Variants in SPTBN1 observed in about 807,000 individuals in gnomAD.
SPTBN1 encodes spectrin beta chain, non-erythrocytic 1.
A neutral mutation model predicts 266.4 loss-of-function variants in SPTBN1; 32 were observed. That is an observed-to-expected ratio of 0.12 (90% CI 0.09 to 0.16). SPTBN1 has a LOEUF of 0.16. Ranked by LOEUF, SPTBN1 falls within the 10% of genes least tolerant of loss-of-function variation. The pLI is 1.00. For synonymous variants in SPTBN1, 1,336 were observed against 1,162.2 expected (o/e 1.15, Z -3.04); for missense variants, 2,296 against 3,067.1 (o/e 0.75, Z 5.94).
At chr2:54,611,080 T>G (rs557173462) in intron 3 of SPTBN1, among the ~76,000 whole-genome samples, 2 of 151,636 alleles carry the variant, frequency 1.3e-5, no homozygotes, top group South Asian at 4.2e-4. Context: ...CAATCTGTGT[T>G]TGTGTGTATG....
chr2:54,552,093 C>A (rs1672603451), intron 2 of SPTBN1, among the ~76,000 whole-genome samples: 1 of 152,104 alleles, frequency 6.6e-6, no homozygotes, highest in Non-Finnish European at 1.5e-5. Context: ...TGAGAAATGC[C>A]CTTTGCCAAA....
At chr2:54,640,403 AC>A (rs201474969) in intron 18 of SPTBN1, among the ~76,000 whole-genome samples, 2,728 of 152,118 alleles carry the variant, frequency 0.018, 46 homozygotes, top group South Asian at 0.062. Flanking sequence ...CCCTGTTACC[AC>A]CCCCATAAAC....
chr2:54,668,773 C>A lies in SPTBN1; in HGVS notation c.*204C>A. ...CTCCAAGTTACAAAAGTTTGAGGTG[C>A]AGAGGGAAGGCCAGATTTTTTTTTT... On this transcript the variant is annotated 3_prime_UTR_variant, in exon 36 of 36. Coordinates refer to ENST00000356805, the MANE Select transcript of SPTBN1 (RefSeq NM_003128.3). 1 of 528,672 alleles carries A rather than the reference C, an allele frequency of 1.9e-6. No homozygotes were observed. The highest frequency in any genetic ancestry group is 3.4e-5 in the East Asian group (1 of 29,378). The allele number at this position is 528,672 out of a possible 1,614,324, so 32.7% of individuals were successfully genotyped here.
chr2:54,497,116 C>A (rs532224938), intron 1 of SPTBN1, among the ~76,000 whole-genome samples: 1 of 152,232 alleles, frequency 6.6e-6, no homozygotes, highest in East Asian at 1.9e-4. Flanking sequence ...TGGTCTGGGG[C>A]CCCCACCAGG....
chr2:54,566,749 T>C (rs1486228568), intron 2 of SPTBN1, among the ~76,000 whole-genome samples: 2 of 151,984 alleles, frequency 1.3e-5, no homozygotes, highest in Admixed American at 6.6e-5. Context: ...GAGAATTGCT[T>C]GAACCTGGGA....
intron 1 of SPTBN1, among the ~76,000 whole-genome samples, chr2:54,479,907 C>G (rs930300916): frequency 6.6e-6 from 1 of 151,642 alleles, no homozygotes; most frequent in Admixed American, 6.6e-5. Context: ...GTTGCCCAGG[C>G]TGGCCTCTAA....
At chr2:54,492,341 G>GTTTTTTTTTT (rs780631106) in intron 1 of SPTBN1, among the ~76,000 whole-genome samples, 10 of 88,372 alleles carry the variant, frequency 1.1e-4, no homozygotes, top group Admixed American at 1.2e-4. Context: ...GTCTGCAGTT[G>GTTTTTTTTTT]TTTTTTTGTT....
intron 1 of SPTBN1, among the ~76,000 whole-genome samples, chr2:54,522,697 G>GAGAGAGAGAGAAAGAAAGAAAGAA (rs1553439438): frequency 2.1e-5 from 2 of 97,270 alleles, no homozygotes; most frequent in African/African-American, 8.3e-5. Flanking sequence ...GAGAGAGAGA[G>GAGAGAGAGAGAAAGAAAGAAAGAA]AGAAAGAAAG....
At chr2:54,513,697 T>A (rs1005569087) in intron 1 of SPTBN1, among the ~76,000 whole-genome samples, 3 of 152,224 alleles carry the variant, frequency 2.0e-5, no homozygotes, top group African/African-American at 4.8e-5. Context: ...TTTCTATTTT[T>A]AAAAATAATT....
chr2:54,520,827 C>A (rs1006232311), intron 1 of SPTBN1, among the ~76,000 whole-genome samples: 5 of 152,132 alleles, frequency 3.3e-5, no homozygotes, highest in African/African-American at 1.2e-4. Context: ...CTGTGGTGAG[C>A]AAGTCCAGTG....
intron 1 of SPTBN1, among the ~76,000 whole-genome samples, chr2:54,492,267 G>A (rs912679112): frequency 6.6e-6 from 1 of 150,536 alleles, no homozygotes; most frequent in Admixed American, 6.6e-5. Context: ...ACTTTTTATG[G>A]CTGTATAAAG....
In SPTBN1 at chr2:54,582,406, TA is replaced by T. The variant is rs141991577; in HGVS notation, c.149-16685del. Among the ~76,000 whole-genome samples, 849 of 151,600 alleles carry T rather than the reference TA, an allele frequency of 5.6e-3. 11 individuals carry two copies. Among genetic ancestry groups the T allele is most frequent in the African/African-American group, 0.02 (816 of 41,258 alleles). On this transcript the variant is annotated intron_variant, in intron 2 of 35. Transcript: ENST00000356805. ...GAGAGAAGCACCCTCCATTTAGAAA[TA>T]TGGAGGATTAGCCAGGCATAGTGGC...
chr2:54,608,486 A>G (rs1676999692), intron 3 of SPTBN1, among the ~76,000 whole-genome samples: 1 of 152,158 alleles, frequency 6.6e-6, no homozygotes, highest in Non-Finnish European at 1.5e-5. Flanking sequence ...GATGGGTCAC[A>G]GGCTGAGTGC....
chr2:54,641,534 G>C (rs751259502), intron 18 of SPTBN1, among the ~76,000 whole-genome samples: 3 of 152,192 alleles, frequency 2.0e-5, no homozygotes, highest in Non-Finnish European at 4.4e-5. Context: ...TTTTTTCCAA[G>C]TAGGAAGTGC....
intron 33 of SPTBN1, among the ~76,000 whole-genome samples, chr2:54,665,339 A>G (rs1274763976): frequency 4.6e-5 from 7 of 152,212 alleles, no homozygotes; most frequent in African/African-American, 1.7e-4. Context: ...TTATATATTA[A>G]TACATGCTGG....
chr2:54,641,294 C>T (rs61332964), intron 18 of SPTBN1, among the ~76,000 whole-genome samples: 5,887 of 147,708 alleles, frequency 0.04, 353 homozygotes, highest in African/African-American at 0.14. Context: ...TTATGTAGCG[C>T]GCTCTCTCTC....
chr2:54,472,618 G>T (rs902354915), intron 1 of SPTBN1, among the ~76,000 whole-genome samples: 11 of 151,982 alleles, frequency 7.2e-5, no homozygotes, highest in African/African-American at 2.7e-4. Flanking sequence ...AACAGGGGGG[G>T]TTGGGAGTGG....
chr2:54,539,639 A>T (rs1671820710), intron 2 of SPTBN1, among the ~76,000 whole-genome samples: 1 of 152,120 alleles, frequency 6.6e-6, no homozygotes, highest in African/African-American at 2.4e-5. Context: ...TTCCGTACTC[A>T]AGTCATCCTC....
At position 54,670,795 on chromosome 2, in the gene SPTBN1, G is replaced by C; in HGVS notation, c.*2226G>C. ...GGTTTGGTGGTATTTGCTCTCTCTT[G>C]GTGCATTTGATAAGGATCCACTGAG... On this transcript the variant is annotated 3_prime_UTR_variant, in exon 36 of 36. Coordinates refer to ENST00000356805, the MANE Select transcript of SPTBN1 (RefSeq NM_003128.3). 1 of 396,792 alleles carries C rather than the reference G, an allele frequency of 2.5e-6. No homozygotes were observed. Among genetic ancestry groups the C allele is most frequent in the Admixed American group, 4.4e-5 (1 of 22,650 alleles). The allele number at this position is 396,792 out of a possible 1,614,324, so 24.6% of individuals were successfully genotyped here.
Sources: allele counts gnomAD v4.1 joint callset (sites outside exome capture counted in the v4.1 genomes callset), GRCh38; gene constraint gnomAD v4.1.1; transcripts MANE v1.5; gene names NCBI Gene and HGNC (gene_info 2026-07-23, HGNC 2026-07-21).